Variants in ZNF397 observed in about 807,000 individuals in gnomAD.
The protein encoded by ZNF397 is zinc finger protein 397, also known as zinc finger and SCAN domain-containing protein 15.
A neutral mutation model predicts 50.6 loss-of-function variants in ZNF397; 38 were observed. The ratio of observed to expected loss-of-function variants is 0.75; its 90% CI spans 0.58 to 0.98. ZNF397 has a LOEUF of 0.98. Ranked by LOEUF, ZNF397 falls within the 50% of genes least tolerant of loss-of-function variation. The pLI, the probability that ZNF397 is intolerant of heterozygous loss-of-function variation, is 0.00. For synonymous variants in ZNF397, 228 were observed against 215.2 expected, an observed-to-expected ratio of 1.06 and a Z score of -0.52; for missense variants, 624 against 624.1, an observed-to-expected ratio of 1.00 and a Z score of 0.00.
At position 35,246,356 on chromosome 18, in the gene ZNF397, A is replaced by G; in HGVS notation, c.*46A>G. 2 of 1,472,896 alleles carry G rather than the reference A, an allele frequency of 1.4e-6. No individual in the cohort carries two copies. The highest frequency in any genetic ancestry group is 1.8e-6 in the Non-Finnish European group (2 of 1,113,432). 91.2% of individuals were successfully genotyped at this position (1,472,896 alleles called of 1,614,324 possible). ...TGTAAATACTTCAGTCAGATTTTTA[A>G]GTTTGTTAGTCAAAAGAGTTTACTT... On this transcript the variant is annotated 3_prime_UTR_variant, in exon 4 of 4. Coordinates refer to ENST00000330501, the MANE Select transcript of ZNF397 (RefSeq NM_001135178.3).
In ZNF397 at chr18:35,246,561, C is replaced by G. The variant is rs758632511; in HGVS notation, c.*251C>G. 8.0e-6 allele frequency: 10 copies of G among 1,253,918 alleles called. No homozygotes were observed. In the Admixed American group the frequency reaches 2.7e-4, roughly 34 times the overall value. The allele number at this position is 1,253,918 out of a possible 1,614,324, so 77.7% of individuals were successfully genotyped here. The stretch of plus-strand genomic sequence containing the variant: ...TCTTATTAGGAATACTCAGGAAATA[C>G]GAAAAGTGGGAATGTAACATTGAAA... On this transcript the variant is annotated 3_prime_UTR_variant, in exon 4 of 4. Transcript: ENST00000330501.
chr18:35,254,051 T>G (rs201427463), downstream of ZNF397: 1 of 1,614,140 alleles, frequency 6.2e-7, no homozygotes, highest in Non-Finnish European at 8.5e-7. Flanking sequence ...TTCCCTAGTG[T>G]CAACGCTCTG....
chr18:35,248,272 C>T lies in ZNF397; in HGVS notation c.*1962C>T, dbSNP rs1276953253. 6.6e-6 allele frequency: 1 copy of T among 152,134 alleles called. No individual in the cohort carries two copies. The highest frequency in any genetic ancestry group is 2.4e-5 in the African/African-American group (1 of 41,432). 9.4% of individuals were successfully genotyped at this position (152,134 alleles called of 1,614,324 possible). Reference sequence around the variant, plus strand: ...AAAAGAAGCAAAGAGAAGTAATGCTCTTATTGGGGCGTGCATCAGTGGACA... The same window carrying T: ...AAAAGAAGCAAAGAGAAGTAATGCTTTTATTGGGGCGTGCATCAGTGGACA... On this transcript the variant is annotated 3_prime_UTR_variant, in exon 4 of 4. Coordinates refer to ENST00000330501, the MANE Select transcript of ZNF397 (RefSeq NM_001135178.3).
intron 1 of ZNF397, chr18:35,241,519 A>G (rs951034853): frequency 1.3e-5 from 2 of 152,262 alleles, no homozygotes; most frequent in African/African-American, 2.4e-5. Context: ...ATATCTCGCC[A>G]TCCTAAAAGC....
In ZNF397 at chr18:35,245,516, GA is replaced by G; in HGVS notation, c.812del (p.Asp271AlafsTer3). ...TGAAAGATGCTTGATTCTAACTACA[GA>G]CTCTATAATGTGTCAGAAAGTTCCT... is the stretch of plus-strand genomic sequence containing the variant. ...EAERCLILTT[D>X]SIMCQKVPPE... On this transcript the variant is annotated frameshift_variant, in exon 4 of 4. Transcript: ENST00000330501. LOFTEE classifies it high-confidence loss of function. The G allele has an allele frequency of 6.4e-7, 1 of 1,552,380 alleles. No homozygotes were observed. The highest frequency in any genetic ancestry group is 8.7e-7 in the Non-Finnish European group (1 of 1,147,160).
chr18:35,245,119 C>A (rs2043450894), intron 3 of ZNF397, 143 bp from the exon 4 acceptor site: 2 of 1,030,540 alleles, frequency 1.9e-6, no homozygotes, highest in Admixed American at 3.3e-5. Context: ...ATAAGAGAGA[C>A]CCTCTTTTGG....
chr18:35,252,344 T>G (rs1239833233), downstream of ZNF397: 2 of 152,248 alleles, frequency 1.3e-5, no homozygotes, highest in Non-Finnish European at 2.9e-5. Context: ...CCCATGACTC[T>G]GGGACTCAGG....
chr18:35,243,604 G>A, intron 3 of ZNF397: 1 of 592,400 alleles, frequency 1.7e-6, no homozygotes, highest in Non-Finnish European at 3.0e-6. Flanking sequence ...CAAATAAAAA[G>A]GCAGTTGCAA....
chr18:35,253,130 G>A (rs754735482), downstream of ZNF397: 40 of 210,614 alleles, frequency 1.9e-4, no homozygotes, highest in Non-Finnish European at 3.4e-4. Context: ...TGGCATTACT[G>A]TGAAGGTGCC....
In ZNF397 at chr18:35,245,146, A is replaced by G. The variant is rs552025913; in HGVS notation, c.557-116A>G. 6.7e-6 allele frequency: 9 copies of G among 1,351,634 alleles called. No homozygotes were observed. The East Asian group carries it at 1.5e-4, about 23-fold the overall frequency. The allele number at this position is 1,351,634 out of a possible 1,614,324, so 83.7% of individuals were successfully genotyped here. A position where few individuals can be genotyped will look rare whatever the true frequency, so the allele number is the denominator to read the frequency against. On this transcript the variant is annotated intron_variant, in intron 3 of 3. Coordinates refer to ENST00000330501, the MANE Select transcript of ZNF397 (RefSeq NM_001135178.3). ...CTCTTTTGGCCAGTTGAAAAAAAAG[A>G]TACTGGAGGACAGTGACATCTTTGT...
rs1396166976 is a variant in ZNF397 at position 35,246,128 on chromosome 18, C to T, written c.1423C>T (p.His475Tyr). Residue 475 changes from histidine to tyrosine, a missense_variant, in exon 4 of 4, where the codon CAT (histidine) becomes TAT (tyrosine). His to Tyr is a moderately conservative substitution (Grantham distance 83). Transcript: ENST00000330501. Reference protein sequence around the residue: ...SSNLIRHQRIHSGEEPYQCNE... With the variant: ...SSNLIRHQRIYSGEEPYQCNE... ...AAACCTTATCAGACATCAGAGAATT[C>T]ATAGTGGGGAGGAACCTTATCAGTG... 2 of 1,551,512 alleles carry T rather than the reference C, an allele frequency of 1.3e-6. No homozygotes were observed. The highest frequency in any genetic ancestry group is 3.9e-5 in the Admixed American group (2 of 50,994).
chr18:35,253,034 T>G (rs1468355697), downstream of ZNF397: 1 of 161,972 alleles, frequency 6.2e-6, no homozygotes, highest in East Asian at 1.8e-4. Context: ...TCTCAGCACA[T>G]GCCTCCACCT....
In ZNF397 at chr18:35,246,271, G is replaced by A. The variant is rs117635287; in HGVS notation, c.1566G>A (p.Ser522=). The A allele has an allele frequency of 2.7e-4, 426 of 1,551,574 alleles. 1 individual carries two copies. The East Asian group carries it at 8.5e-3, about 31-fold the overall frequency. The change falls in exon 4 of 4, where the codon TCG becomes TCA. Residue 522 remains serine (S), a synonymous_variant. Transcript: ENST00000330501. ...GTGGGAAGGCTTTCAGGCACAGATCGGTCCTTATGCGCCATCAAAGAGTCC... is the reference window on the plus strand; with the variant it reads ...GTGGGAAGGCTTTCAGGCACAGATCAGTCCTTATGCGCCATCAAAGAGTCC... ...NECGKAFRHR[S]VLMRHQRVHT... is the part of the protein sequence containing the mutation.
chr18:35,253,387 T>A, downstream of ZNF397: 1 of 1,406,374 alleles, frequency 7.1e-7, no homozygotes, highest in Non-Finnish European at 9.6e-7. Context: ...TTCTTTTCTG[T>A]GGAGTCTCAC....
downstream of ZNF397, chr18:35,254,752 A>C: frequency 3.1e-6 from 1 of 321,326 alleles, no homozygotes; most frequent in Non-Finnish European, 6.0e-6. Context: ...GTTAAAAGGA[A>C]TGATCAGGAT....
chr18:35,253,414 T>C, downstream of ZNF397: 1 of 1,513,138 alleles, frequency 6.6e-7, no homozygotes, highest in Non-Finnish European at 8.9e-7. Context: ...AGTGAACTCC[T>C]TGCATTTCAC....
rs1324299507 is a variant in ZNF397 at position 35,244,497 on chromosome 18, TAG to T, written c.557-760_557-759del. 2.6e-5 allele frequency among the ~76,000 whole-genome samples: 4 copies of T among 151,904 alleles called. No homozygotes were observed. In the South Asian group the frequency reaches 6.3e-4, roughly 24 times the overall value. On this transcript the variant is annotated intron_variant, in intron 3 of 3. Transcript: ENST00000330501. ...TGTAAGATGTAATGGAAGCCAAGGG[TAG>T]AGAGTTTGTAGAGTAAGGATACATG...
At position 35,242,899 on chromosome 18, in the gene ZNF397, A is replaced by G. The variant is rs377389624; in HGVS notation, c.414+15A>G. ...CAGGGCAGCAGGTGGGAACGGAGAA[A>G]AGTGATGTGGGAAAAGGAATTTACA... On this transcript the variant is annotated intron_variant, in intron 2 of 3. Transcript: ENST00000330501. 1.3e-6 allele frequency: 2 copies of G among 1,583,204 alleles called. No homozygotes were observed. The highest frequency in any genetic ancestry group is 8.6e-7 in the Non-Finnish European group (1 of 1,165,714).
chr18:35,242,284 C>A, intron 1 of ZNF397, 107 bp from the exon 2 acceptor site: 1 of 522,544 alleles, frequency 1.9e-6, no homozygotes, highest in Non-Finnish European at 3.3e-6. Flanking sequence ...GTGATAGCCC[C>A]AAATCTACTC....
Sources: gnomAD v4.1 joint callset for allele counts (sites outside exome capture counted in the v4.1 genomes callset) on GRCh38, gnomAD v4.1.1 for gene constraint, MANE v1.5 for transcripts, NCBI Gene and HGNC (gene_info 2026-07-23, HGNC 2026-07-21) for gene names.